FREM2: variants seen among roughly 807,000 people sequenced by gnomAD.
The protein encoded by FREM2 is FRAS1-related extracellular matrix protein 2.
In FREM2, 119 loss-of-function variants were observed where a neutral mutation model predicts 219.9. The observed-to-expected ratio is 0.54, with a 90% CI of 0.47 to 0.63. FREM2 has a LOEUF of 0.63. Among genes scored for constraint, FREM2 ranks in the 30% least tolerant of loss-of-function variants. FREM2 has a pLI of 0.00. For missense variants in FREM2, 4,030 were observed against 3,993.6 expected (o/e 1.01, Z -0.25); for synonymous variants, 1,562 against 1,522.8 (o/e 1.03, Z -0.60).
rs75698401 is a variant in FREM2 at position 38,817,486 on chromosome 13, G to A, written c.6020-29087G>A. The stretch of plus-strand genomic sequence containing the variant: ...GGAAAAGACAATCTTTTCAATAAAT[G>A]GTATTGGGAAAATTAGTTTATCTAC... On this transcript the variant is annotated intron_variant, in intron 6 of 23. Coordinates refer to ENST00000280481, the MANE Select transcript of FREM2 (RefSeq NM_207361.6). Among the ~76,000 whole-genome samples, 797 of 152,082 alleles carry A rather than the reference G, an allele frequency of 5.2e-3. 35 individuals are homozygous for A. In the East Asian group the frequency reaches 0.11, roughly 20 times the overall value.
rs750702508 is a variant in FREM2 at position 38,692,067 on chromosome 13, G to C, written c.4723G>C (p.Val1575Leu). 5 of 1,614,158 alleles carry C rather than the reference G, an allele frequency of 3.1e-6. 1 individual carries two copies. In the South Asian group the frequency reaches 5.5e-5, roughly 18 times the overall value. ...DKLLKFTITQ[V>L]PIHGHLLFNN... ...GCTCCTGAAATTCACTATCACCCAGGTGCCTATTCATGGCCATCTCCTATT... is the reference window on the plus strand; with the variant it reads ...GCTCCTGAAATTCACTATCACCCAGCTGCCTATTCATGGCCATCTCCTATT... Residue 1575 changes from valine (V) to leucine (L), a missense_variant, in exon 1 of 24, where the codon GTG becomes CTG. Physicochemically the swap from Val to Leu is conservative, Grantham distance 32 (BLOSUM62 1). Coordinates refer to ENST00000280481, the MANE Select transcript of FREM2 (RefSeq NM_207361.6).
At chr13:38,807,679 CT>C (rs1566149408) in intron 6 of FREM2, among the ~76,000 whole-genome samples, 1 of 151,674 alleles carries the variant, frequency 6.6e-6, no homozygotes, top group African/African-American at 2.4e-5. Context: ...TAAAGCAGTC[CT>C]TTTTTCTGGG....
Position 38,713,199 on chromosome 13 carries a change from T to C in FREM2, c.5263+15412T>C, listed in dbSNP as rs149610586. Among the ~76,000 whole-genome samples the C allele has an allele frequency of 1.4e-3, 220 of 152,290 alleles. 1 individual carries two copies. The highest frequency in any genetic ancestry group is 5.0e-3 in the African/African-American group (206 of 41,562). On this transcript the variant is annotated intron_variant, in intron 2 of 23. Coordinates refer to ENST00000280481, the MANE Select transcript of FREM2 (RefSeq NM_207361.6). ...TCCACAGTGCTTCATAGAGGAAGTC[T>C]TTGCATTTGTAAATGAATGAGAACT...
At chr13:38,756,684 T>C (rs1249692032) in intron 2 of FREM2, among the ~76,000 whole-genome samples, 2 of 151,874 alleles carry the variant, frequency 1.3e-5, no homozygotes, top group Non-Finnish European at 2.9e-5. Flanking sequence ...TGTGCCACCA[T>C]GCCTGGCTAA....
chr13:38,770,169 AT>A (rs1873604362), intron 4 of FREM2, among the ~76,000 whole-genome samples: 2 of 147,872 alleles, frequency 1.4e-5, no homozygotes, highest in South Asian at 4.2e-4. Context: ...ATTTTATATA[AT>A]TTTATATATA....
chr13:38,858,978 G>A (rs1190925546), intron 13 of FREM2, among the ~76,000 whole-genome samples: 1 of 129,054 alleles, frequency 7.7e-6, no homozygotes, highest in Non-Finnish European at 1.6e-5. Context: ...TAAGATGAGC[G>A]ACAGGAAGCG....
At position 38,876,251 on chromosome 13, in the gene FREM2, C is replaced by T. The variant is rs754572515; in HGVS notation, c.8413C>T (p.Arg2805Cys). Residue 2805 changes from arginine to cysteine, a missense_variant, in exon 20 of 24, where the codon CGT (arginine) becomes TGT (cysteine). Around this residue, in one of 2 missense-constraint regions of FREM2, gnomAD observed 928 missense variants for 1,042.9 expected, o/e 0.89. Coordinates refer to ENST00000280481, the MANE Select transcript of FREM2 (RefSeq NM_207361.6). ...TATCAATATCTTCTCCTCAAAGGTA[C>T]GTGACTACTCAGGGACCTATACTGT... ...QWSFVSDFAV[R>C]DYSGTYTVKL... The T allele has an allele frequency of 2.8e-5, 45 of 1,613,864 alleles. No individual in the cohort carries two copies. The highest frequency in any genetic ancestry group is 9.4e-5 in the African/African-American group (7 of 74,866).
At chr13:38,830,137 T>C (rs752735742) in intron 6 of FREM2, among the ~76,000 whole-genome samples, 2 of 152,122 alleles carry the variant, frequency 1.3e-5, no homozygotes, top group Non-Finnish European at 2.9e-5. Flanking sequence ...AGCCAGATAA[T>C]TTTAAAGAAA....
At chr13:38,718,748 T>A (rs1871107957) in intron 2 of FREM2, among the ~76,000 whole-genome samples, 1 of 152,198 alleles carries the variant, frequency 6.6e-6, no homozygotes, top group African/African-American at 2.4e-5. Flanking sequence ...GTTTCGAATG[T>A]GGACATCATT....
chr13:38,763,726 T>C (rs907006219), intron 2 of FREM2, among the ~76,000 whole-genome samples: 6 of 152,114 alleles, frequency 3.9e-5, no homozygotes, highest in Admixed American at 3.9e-4. Context: ...GGGGAAAACC[T>C]TATCTTCAGA....
intron 2 of FREM2, among the ~76,000 whole-genome samples, chr13:38,698,455 T>C (rs1232022898): frequency 6.6e-6 from 1 of 152,156 alleles, no homozygotes; most frequent in Non-Finnish European, 1.5e-5. Flanking sequence ...CTGCCTGCTG[T>C]TTATACTCCT....
intron 2 of FREM2, among the ~76,000 whole-genome samples, chr13:38,711,831 TAATATCCCCAAGCACTG>T (rs1376871746): frequency 6.6e-6 from 1 of 152,072 alleles, no homozygotes; most frequent in African/African-American, 2.4e-5. Context: ...ACTTTGTTAT[TAATATCCCCAAGCACTG>T]AGAGTGACCA....
chr13:38,778,321 C>T lies in FREM2; in HGVS notation c.5642-4749C>T, dbSNP rs9576613. The stretch of plus-strand genomic sequence containing the variant: ...ACTGGGGTGCCAGTAGATTTGGTTC[C>T]CGGTGAGGGGCCTCTTTCTGGCTTG... On this transcript the variant is annotated intron_variant, in intron 4 of 23. Coordinates refer to ENST00000280481, the MANE Select transcript of FREM2 (RefSeq NM_207361.6). Among the ~76,000 whole-genome samples, 8 of 152,244 alleles carry T rather than the reference C, an allele frequency of 5.3e-5. No homozygotes were observed. The East Asian group carries it at 1.5e-3, about 29-fold the overall frequency.
chr13:38,851,097 A>T lies in FREM2; in HGVS notation c.6731A>T (p.Asp2244Val), dbSNP rs1355762843. The stretch of plus-strand genomic sequence containing the variant: ...AATGAAACTCTCATAAGGATCCGAG[A>T]TGATGCTGATAGTAAGAAATCTTTT... ...EQNETLIRIR[D>V]DADKTVIKFG... The change falls in exon 10 of 24, where the codon GAT (aspartate) becomes GTT (valine). Residue 2244 changes from aspartate (D) to valine (V), a missense_variant. Physicochemically the swap from Asp to Val is radical, Grantham distance 152. Around this residue, in one of 2 missense-constraint regions of FREM2, gnomAD observed 3,102 missense variants for 2,950.7 expected, o/e 1.05. Coordinates refer to ENST00000280481, the MANE Select transcript of FREM2 (RefSeq NM_207361.6). 1 of 1,613,702 alleles carries T rather than the reference A, an allele frequency of 6.2e-7. No individual in the cohort carries two copies. Among genetic ancestry groups the T allele is most frequent in the South Asian group, 1.1e-5 (1 of 91,068 alleles).
chr13:38,742,324 A>G (rs1872281114), intron 2 of FREM2, among the ~76,000 whole-genome samples: 1 of 152,250 alleles, frequency 6.6e-6, no homozygotes, highest in Non-Finnish European at 1.5e-5. Context: ...TATATGGTCC[A>G]AGGATTATGA....
In FREM2 at chr13:38,692,153, C is replaced by G. The variant is rs1869907625; in HGVS notation, c.4809C>G (p.Ser1603Arg). 6.2e-7 allele frequency: 1 copy of G among 1,614,126 alleles called. No homozygotes were observed. ...AAGACTTGAATGAAAACTTAATCAGCTACAAACATGATGGCACTGAGTCAA... is the reference window on the plus strand; with the variant it reads ...AAGACTTGAATGAAAACTTAATCAGGTACAAACATGATGGCACTGAGTCAA... ...TKQDLNENLI[S>R]YKHDGTESSE... Residue 1603 changes from serine to arginine, a missense_variant, in exon 1 of 24, where the codon AGC becomes AGG. Ser to Arg is a moderately radical substitution (Grantham distance 110, BLOSUM62 -1). This residue lies in a region of FREM2 where 3,102 missense variants were observed against 2,950.7 expected (regional missense o/e 1.05). Coordinates refer to ENST00000280481, the MANE Select transcript of FREM2 (RefSeq NM_207361.6).
At chr13:38,860,960 G>A (rs11147740) in intron 14 of FREM2, among the ~76,000 whole-genome samples, 8,640 of 152,208 alleles carry the variant, frequency 0.057, 273 homozygotes, top group Middle Eastern at 0.096. Context: ...CCTAAAATGA[G>A]CACAGTTTTA....
chr13:38,715,607 T>TA (rs1870966725), intron 2 of FREM2, among the ~76,000 whole-genome samples: 1 of 152,136 alleles, frequency 6.6e-6, no homozygotes, highest in Non-Finnish European at 1.5e-5. Context: ...CAGTTGGTTT[T>TA]TTTTTTTTAT....
intron 2 of FREM2, among the ~76,000 whole-genome samples, chr13:38,757,764 T>G (rs566263833): frequency 6.6e-6 from 1 of 152,256 alleles, no homozygotes; most frequent in East Asian, 1.9e-4. Context: ...CTAACTTTTG[T>G]ATTTTTAGTA....
Sources: allele counts gnomAD v4.1 joint callset (sites outside exome capture counted in the v4.1 genomes callset), GRCh38; gene constraint gnomAD v4.1.1; regional missense constraint gnomAD v4.1.1; transcripts MANE v1.5; gene names NCBI Gene and HGNC (gene_info 2026-07-23, HGNC 2026-07-21).